The following SIX6 variants were observed in gnomAD, a reference collection of about 807,000 sequenced individuals.
The protein encoded by SIX6 is homeobox protein SIX6.
SIX6 carries 14 observed loss-of-function variants against 23.6 expected under a neutral mutation model. That is an observed-to-expected ratio of 0.59 (90% CI 0.39 to 0.93). The LOEUF is 0.93. SIX6 is among the 40% of genes least tolerant of loss of function. The probability of loss-of-function intolerance (pLI) is 0.00; values close to 1 mark genes in which losing one functional copy is unlikely to be tolerated. For missense variants in SIX6, 307 were observed against 325.6 expected, an observed-to-expected ratio of 0.94 and a Z score of 0.44; for synonymous variants, 128 against 144.9, an observed-to-expected ratio of 0.88 and a Z score of 0.84.
chr14:60,510,402 C>A (rs1207606016), intron 1 of SIX6, among the ~76,000 whole-genome samples: 2 of 152,314 alleles, frequency 1.3e-5, no homozygotes, highest in Admixed American at 6.5e-5. Context: ...CCAGGTATAT[C>A]CCTCCCTAAT....
At position 60,509,416 on chromosome 14, in the gene SIX6, C is replaced by A. The variant is rs150715226; in HGVS notation, c.18C>A (p.Ile6=). 8 of 1,599,560 alleles carry A rather than the reference C, an allele frequency of 5.0e-6. No individual in the cohort carries two copies. Among genetic ancestry groups the A allele is most frequent in the African/African-American group, 1.3e-5 (1 of 75,064 alleles). MFQLP[I]LNFSPQQVAG... is the part of the protein sequence containing the mutation. ...CTGCCTCGATGTTCCAGCTGCCCAT[C>A]TTGAATTTCAGCCCCCAGCAAGTGG... The change falls in exon 1 of 2, where the codon ATC becomes ATA. Residue 6 remains isoleucine (I), a synonymous_variant. Coordinates refer to ENST00000327720, the MANE Select transcript of SIX6 (RefSeq NM_007374.3).
chr14:60,512,558 G>A lies in SIX6; in HGVS notation c.*1306G>A, dbSNP rs1278789986. ...TGTCACATACTGAGGGTAAAACAAG[G>A]CTGTAGAAATAACTGGCATTTTAAA... On this transcript the variant is annotated 3_prime_UTR_variant, in exon 2 of 2. Transcript: ENST00000327720. The A allele has an allele frequency of 2.0e-5, 3 of 152,200 alleles. No homozygotes were observed. The East Asian group carries it at 5.8e-4, about 29-fold the overall frequency. The allele number at this position is 152,200 out of a possible 1,614,324, so 9.4% of individuals were successfully genotyped here. A position where few individuals can be genotyped will look rare whatever the true frequency, so the allele number is the denominator to read the frequency against.
chr14:60,509,391 C>G lies in SIX6; in HGVS notation c.-8C>G. 1 of 1,599,110 alleles carries G rather than the reference C, an allele frequency of 6.3e-7. No individual in the cohort carries two copies. The highest frequency in any genetic ancestry group is 8.5e-7 in the Non-Finnish European group (1 of 1,179,770). On this transcript the variant is annotated 5_prime_UTR_variant, in exon 1 of 2. Transcript: ENST00000327720. ...CTCAGTGCCCTCGCCGCCGCCGGCA[C>G]TGCCTCGATGTTCCAGCTGCCCATC...
intron 1 of SIX6, among the ~76,000 whole-genome samples, chr14:60,510,562 A>G (rs530049966): frequency 7.8e-5 from 9 of 115,756 alleles, no homozygotes; most frequent in Non-Finnish European, 1.5e-4. Flanking sequence ...TCGATTAGCC[A>G]AACATTTTGC....
chr14:60,509,922 G>C lies in SIX6; in HGVS notation c.524G>C (p.Trp175Ser). The change falls in exon 1 of 2, where the codon TGG (tryptophan) becomes TCG (serine). Residue 175 changes from tryptophan (W) to serine (S), a missense_variant. Coordinates refer to ENST00000327720, the MANE Select transcript of SIX6 (RefSeq NM_007374.3). ...TGLTPTQVGN[W>S]FKNRRQRDRA... is the part of the protein sequence containing the mutation. ...CTGACCCCTACGCAGGTGGGCAACT[G>C]GTTCAAAAACCGCCGACAAAGGGAC... 2 of 1,611,192 alleles carry C rather than the reference G, an allele frequency of 1.2e-6. No individual in the cohort carries two copies. Among genetic ancestry groups the C allele is most frequent in the Non-Finnish European group, 1.7e-6 (2 of 1,178,590 alleles).
chr14:60,511,383 T>G lies in SIX6; in HGVS notation c.*131T>G. ...GCCAGGTGACCAGGGACCCGCGGGCTCGGGTTGCCGTTTCCCGCCCCACCC... is the reference window on the plus strand; with the variant it reads ...GCCAGGTGACCAGGGACCCGCGGGCGCGGGTTGCCGTTTCCCGCCCCACCC... On this transcript the variant is annotated 3_prime_UTR_variant, in exon 2 of 2. Coordinates refer to ENST00000327720, the MANE Select transcript of SIX6 (RefSeq NM_007374.3). The G allele has an allele frequency of 8.6e-7, 1 of 1,161,570 alleles. No individual in the cohort carries two copies. The highest frequency in any genetic ancestry group is 1.3e-6 in the Non-Finnish European group (1 of 796,474). The allele number at this position is 1,161,570 out of a possible 1,614,324, so 72.0% of individuals were successfully genotyped here. A position where few individuals can be genotyped will look rare whatever the true frequency, so the allele number is the denominator to read the frequency against.
At position 60,509,704 on chromosome 14, in the gene SIX6, G is replaced by A; in HGVS notation, c.306G>A (p.Leu102=). 3 of 1,614,130 alleles carry A rather than the reference G, an allele frequency of 1.9e-6. No individual in the cohort carries two copies. The highest frequency in any genetic ancestry group is 2.5e-6 in the Non-Finnish European group (3 of 1,180,026). ...LEAHYQEAEK[L]RGRPLGPVDK... is the part of the protein sequence containing the mutation. The stretch of plus-strand genomic sequence containing the variant: ...CACACTACCAGGAGGCTGAGAAGCT[G>A]CGTGGAAGACCCCTGGGACCTGTGG... Residue 102 remains leucine, a synonymous_variant, in exon 1 of 2, where the codon CTG becomes CTA. Coordinates refer to ENST00000327720, the MANE Select transcript of SIX6 (RefSeq NM_007374.3).
Position 60,511,462 on chromosome 14 carries a change from GGTGAGGCCTGACCCAGCACCAC to G in SIX6, c.*213_*234del. 1.5e-6 allele frequency: 1 copy of G among 648,282 alleles called. No individual in the cohort carries two copies. The highest frequency in any genetic ancestry group is 2.8e-6 in the Non-Finnish European group (1 of 362,884). 40.2% of individuals were successfully genotyped at this position (648,282 alleles called of 1,614,324 possible). A position where few individuals can be genotyped will look rare whatever the true frequency, so the allele number is the denominator to read the frequency against. ...TTTGGCCGCGACCACGGGAACCAGCGGTGAGGCCTGACCCAGCACCACGTTCTTCTTGCTTTGCTTTTTCCTA... is the reference window on the plus strand; with the variant it reads ...TTTGGCCGCGACCACGGGAACCAGCGGTTCTTCTTGCTTTGCTTTTTCCTA... On this transcript the variant is annotated 3_prime_UTR_variant, in exon 2 of 2. Transcript: ENST00000327720.
At position 60,509,908 on chromosome 14, in the gene SIX6, G is replaced by A; in HGVS notation, c.510G>A (p.Thr170=). ...ELAQATGLTP[T]QVGNWFKNRR... ...CCCAGGCAACCGGACTGACCCCTACGCAGGTGGGCAACTGGTTCAAAAACC... is the reference window on the plus strand; with the variant it reads ...CCCAGGCAACCGGACTGACCCCTACACAGGTGGGCAACTGGTTCAAAAACC... Residue 170 remains threonine, a synonymous_variant, in exon 1 of 2, where the codon ACG becomes ACA. Coordinates refer to ENST00000327720, the MANE Select transcript of SIX6 (RefSeq NM_007374.3). The A allele has an allele frequency of 6.2e-7, 1 of 1,612,246 alleles. No homozygotes were observed. Among genetic ancestry groups the A allele is most frequent in the Non-Finnish European group, 8.5e-7 (1 of 1,179,054 alleles).
In SIX6 at chr14:60,509,482, G is replaced by A. The variant is rs1893256796; in HGVS notation, c.84G>A (p.Glu28=). The A allele has an allele frequency of 6.2e-7, 1 of 1,601,480 alleles. No individual in the cohort carries two copies. Among genetic ancestry groups the A allele is most frequent in the Admixed American group, 1.7e-5 (1 of 60,006 alleles). Residue 28 remains glutamate, a synonymous_variant, in exon 1 of 2, where the codon GAG becomes GAA. Coordinates refer to ENST00000327720, the MANE Select transcript of SIX6 (RefSeq NM_007374.3). The part of the protein sequence containing the change: ...CETLEESGDV[E]RLGRFLWSLP... Reference sequence around the variant, plus strand: ...CCCTGGAAGAGAGCGGCGATGTGGAGCGCCTGGGTCGCTTCCTCTGGTCGC... The same window carrying A: ...CCCTGGAAGAGAGCGGCGATGTGGAACGCCTGGGTCGCTTCCTCTGGTCGC...
chr14:60,511,358 G>A lies in SIX6; in HGVS notation c.*106G>A. ...GACCTGCAAATCCAGCGCCACAGAAGCCAGGTGACCAGGGACCCGCGGGCT... is the reference window on the plus strand; with the variant it reads ...GACCTGCAAATCCAGCGCCACAGAAACCAGGTGACCAGGGACCCGCGGGCT... On this transcript the variant is annotated 3_prime_UTR_variant, in exon 2 of 2. Coordinates refer to ENST00000327720, the MANE Select transcript of SIX6 (RefSeq NM_007374.3). 1.5e-6 allele frequency: 2 copies of A among 1,357,636 alleles called. No homozygotes were observed. Among genetic ancestry groups the A allele is most frequent in the East Asian group, 2.3e-5 (1 of 42,560 alleles). 84.1% of individuals were successfully genotyped at this position (1,357,636 alleles called of 1,614,324 possible).
Position 60,512,497 on chromosome 14 carries a change from A to G in SIX6, c.*1245A>G, listed in dbSNP as rs1218263192. On this transcript the variant is annotated 3_prime_UTR_variant, in exon 2 of 2. Coordinates refer to ENST00000327720, the MANE Select transcript of SIX6 (RefSeq NM_007374.3). ...TTTAATCAAATGAATGGTTTTTAAC[A>G]AGAGGGATACTGAGATGGGGGAAAG... The G allele has an allele frequency of 6.6e-6, 1 of 152,228 alleles. No individual in the cohort carries two copies. Among genetic ancestry groups the G allele is most frequent in the Non-Finnish European group, 1.5e-5 (1 of 68,036 alleles). The allele number at this position is 152,228 out of a possible 1,614,324, so 9.4% of individuals were successfully genotyped here. A position where few individuals can be genotyped will look rare whatever the true frequency, so the allele number is the denominator to read the frequency against.
Position 60,509,899 on chromosome 14 carries a change from G to A in SIX6, c.501G>A (p.Leu167=). 5 of 1,612,784 alleles carry A rather than the reference G, an allele frequency of 3.1e-6. No individual in the cohort carries two copies. Among genetic ancestry groups the A allele is most frequent in the Non-Finnish European group, 4.2e-6 (5 of 1,179,342 alleles). ...GTGAGCTCGCCCAGGCAACCGGACTGACCCCTACGCAGGTGGGCAACTGGT... is the reference window on the plus strand; with the variant it reads ...GTGAGCTCGCCCAGGCAACCGGACTAACCCCTACGCAGGTGGGCAACTGGT... ...KKRELAQATG[L]TPTQVGNWFK... is the part of the protein sequence containing the mutation. Residue 167 remains leucine (L), a synonymous_variant, in exon 1 of 2, where the codon CTG becomes CTA. Transcript: ENST00000327720.
At position 60,511,288 on chromosome 14, in the gene SIX6, T is replaced by C. The variant is rs760040148; in HGVS notation, c.*36T>C. 8.1e-6 allele frequency: 13 copies of C among 1,608,358 alleles called. 1 individual carries two copies. The highest frequency in any genetic ancestry group is 1.1e-5 in the Non-Finnish European group (13 of 1,175,620). On this transcript the variant is annotated 3_prime_UTR_variant, in exon 2 of 2. Transcript: ENST00000327720. Reference sequence around the variant, plus strand: ...CAGGATGCTCAGAAGCAGATTCCAGTGTAAAAACGAGAAAAACAAAATGAA... The same window carrying C: ...CAGGATGCTCAGAAGCAGATTCCAGCGTAAAAACGAGAAAAACAAAATGAA...
At chr14:60,510,064 A>G (rs1047822791) in intron 1 of SIX6, 94 bp downstream of exon 1, 20 of 1,125,156 alleles carry the variant, frequency 1.8e-5, no homozygotes, top group African/African-American at 1.7e-4. Flanking sequence ...GGCGACTCCA[A>G]TTCAGCAGGA....
rs1355421682 is a variant in SIX6 at position 60,509,969 on chromosome 14, A to T, written c.571A>T (p.Arg191Ter). The change falls in exon 1 of 2, where the codon AGA (arginine) becomes TGA (stop). Residue 191 changes from arginine (R) to a stop codon, truncating the protein, a stop_gained and splice_region_variant. Transcript: ENST00000327720. LOFTEE classifies it high-confidence loss of function. ...GGACCGAGCGGCTGCAGCCAAGAAC[A>T]GGTCGGTACCTAGAGGCCTCCGCGC... ...QRDRAAAAKN[R>*]LQQQVLSQGS... 6.3e-6 allele frequency: 10 copies of T among 1,599,052 alleles called. No homozygotes were observed. Among genetic ancestry groups the T allele is most frequent in the African/African-American group, 2.7e-5 (2 of 74,408 alleles).
In SIX6 at chr14:60,509,664, C is replaced by T. The variant is rs753263476; in HGVS notation, c.266C>T (p.Ala89Val). The T allele has an allele frequency of 4.3e-6, 7 of 1,613,890 alleles. No homozygotes were observed. Among genetic ancestry groups the T allele is most frequent in the African/African-American group, 1.3e-5 (1 of 74,920 alleles). ...FTKESHAKLQ[A>V]LWLEAHYQEA... ...AAGGAGTCGCACGCCAAGCTGCAGG[C>T]GCTGTGGCTTGAAGCACACTACCAG... The change falls in exon 1 of 2, where the codon GCG (alanine) becomes GTG (valine). Residue 89 changes from alanine to valine, a missense_variant. Transcript: ENST00000327720.
Position 60,512,194 on chromosome 14 carries a change from A to T in SIX6, c.*942A>T, listed in dbSNP as rs1285626711. 6.6e-6 allele frequency: 1 copy of T among 152,238 alleles called. No individual in the cohort carries two copies. The highest frequency in any genetic ancestry group is 1.5e-5 in the Non-Finnish European group (1 of 68,058). The allele number at this position is 152,238 out of a possible 1,614,324, so 9.4% of individuals were successfully genotyped here. On this transcript the variant is annotated 3_prime_UTR_variant, in exon 2 of 2. Transcript: ENST00000327720. ...TTGACACTCGTTTACATGAAGTGTC[A>T]ACAGCTTTCAGGAGCAATTTAGGAA... is the stretch of plus-strand genomic sequence containing the variant.
chr14:60,509,217 C>A lies in SIX6; in HGVS notation c.-182C>A. 1.6e-6 allele frequency: 1 copy of A among 616,048 alleles called. No individual in the cohort carries two copies. The highest frequency in any genetic ancestry group is 2.9e-6 in the Non-Finnish European group (1 of 346,994). 38.2% of individuals were successfully genotyped at this position (616,048 alleles called of 1,614,324 possible). On this transcript the variant is annotated 5_prime_UTR_variant, in exon 1 of 2. Transcript: ENST00000327720. The stretch of plus-strand genomic sequence containing the variant: ...CCCGAACCCCAAGCCGCGGAGCCAG[C>A]ACCTCCTCCAGTCGGGGTCGTCCGC...
Sources: allele counts gnomAD v4.1 joint callset (sites outside exome capture counted in the v4.1 genomes callset), GRCh38; gene constraint gnomAD v4.1.1; transcripts MANE v1.5; gene names NCBI Gene and HGNC (gene_info 2026-07-23, HGNC 2026-07-21).